Variants in ABHD2 observed in about 807,000 individuals in gnomAD.
ABHD2 encodes monoacylglycerol lipase ABHD2.
ABHD2 carries 20 observed loss-of-function variants against 48.1 expected under a neutral mutation model. The ratio of observed to expected loss-of-function variants is 0.42; its 90% confidence interval spans 0.29 to 0.60. The LOEUF is 0.60. Among genes scored for constraint, ABHD2 ranks in the 20% least tolerant of loss-of-function variants. The probability of loss-of-function intolerance (pLI) is 0.24; values close to 1 mark genes in which losing one functional copy is unlikely to be tolerated. For synonymous variants in ABHD2, 209 were observed against 214.2 expected (o/e 0.98, Z 0.21); for missense variants, 405 against 550.9 (o/e 0.74, Z 2.65).
At chr15:89,143,780 A>G (rs1280358242) in intron 3 of ABHD2, among the ~76,000 whole-genome samples, 1 of 152,180 alleles carries the variant, frequency 6.6e-6, no homozygotes, top group African/African-American at 2.4e-5. Flanking sequence ...GGGATGTTCA[A>G]GATCATTAGT....
the ABHD2 span, among the ~76,000 whole-genome samples, chr15:89,055,522 A>T: frequency 6.6e-6 from 1 of 151,930 alleles, no homozygotes; most frequent in African/African-American, 2.4e-5. Context: ...TTTTGTAGAG[A>T]TGAGATTTCA....
At chr15:89,098,880 CTT>C (rs2049656709) in intron 1 of ABHD2, among the ~76,000 whole-genome samples, 1 of 152,290 alleles carries the variant, frequency 6.6e-6, no homozygotes, top group Non-Finnish European at 1.5e-5. Context: ...ATGCAGATTT[CTT>C]TAAGTCTCTT....
the ABHD2 span, among the ~76,000 whole-genome samples, chr15:89,055,006 A>T: frequency 6.6e-6 from 1 of 152,094 alleles, no homozygotes; most frequent in Non-Finnish European, 1.5e-5. Flanking sequence ...TTGGAGGATC[A>T]CTTGAGGCCC....
the ABHD2 span, chr15:89,070,223 C>T: frequency 6.6e-6 from 1 of 152,196 alleles, no homozygotes; most frequent in African/African-American, 2.4e-5. Context: ...CAAACTCCTC[C>T]TCAGAAGTGA....
rs1244921565 is a variant in ABHD2, at chr15:89,106,282, G to A, written c.-106-7443G>A. 6.5e-6 allele frequency: 1 copy of A among 153,034 alleles called. No individual in the cohort carries two copies. Among genetic ancestry groups the A allele is most frequent in the Non-Finnish European group, 1.5e-5 (1 of 68,750 alleles). The allele number at this position is 153,034 out of a possible 1,614,324, so 9.5% of individuals were successfully genotyped here. A position where few individuals can be genotyped will look rare whatever the true frequency, so the allele number is the denominator to read the frequency against. On this transcript the variant is annotated intron_variant, in intron 1 of 10. Coordinates refer to ENST00000352732, the MANE Select transcript of ABHD2 (RefSeq NM_152924.5). This position sits in a 1 kb window ranked among gnomAD's most constrained non-coding sequence, Gnocchi z 4.2. The stretch of plus-strand genomic sequence containing the variant: ...CATTGCACTGCAGCTTGGGCGACAA[G>A]AGCGAAACTCCATCTCAAAAACAAA...
chr15:89,050,340 A>C, the ABHD2 span, among the ~76,000 whole-genome samples: 8 of 152,200 alleles, frequency 5.3e-5, no homozygotes, highest in Non-Finnish European at 1.2e-4. Context: ...TCTCAGCAGC[A>C]ACCATGTGGA....
At chr15:89,153,534 A>T (rs1596123037) in intron 4 of ABHD2, among the ~76,000 whole-genome samples, 1 of 152,226 alleles carries the variant, frequency 6.6e-6, no homozygotes, top group South Asian at 2.1e-4. Flanking sequence ...TGGAAAGTTG[A>T]AAAGGGCAGA....
chr15:89,141,757 C>T (rs1408914409), intron 3 of ABHD2, among the ~76,000 whole-genome samples: 1 of 152,176 alleles, frequency 6.6e-6, no homozygotes, highest in Non-Finnish European at 1.5e-5. Context: ...CTGTTTAGTG[C>T]CAGCTTCTGG....
At chr15:89,135,588 TTCATCTTCC>T (rs1006334244) in intron 3 of ABHD2, 12 of 1,539,630 alleles carry the variant, frequency 7.8e-6, no homozygotes, top group African/African-American at 6.8e-5. Flanking sequence ...TCTTATCCTC[TTCATCTTCC>T]TCATCTTCCT....
chr15:89,187,596 C>G (rs961761954), intron 7 of ABHD2, among the ~76,000 whole-genome samples: 1 of 152,100 alleles, frequency 6.6e-6, no homozygotes, highest in Non-Finnish European at 1.5e-5. Flanking sequence ...GTCATCCTCT[C>G]CAGATGGATT....
chr15:89,071,797 G>C, the ABHD2 span, among the ~76,000 whole-genome samples: 3 of 152,150 alleles, frequency 2.0e-5, no homozygotes, highest in Admixed American at 2.0e-4. Flanking sequence ...TTGCTATTGG[G>C]TATGTTTATC....
chr15:89,108,056 G>A (rs560946312), intron 1 of ABHD2, among the ~76,000 whole-genome samples: 1 of 152,294 alleles, frequency 6.6e-6, no homozygotes, highest in Admixed American at 6.5e-5. Flanking sequence ...TCAGTTAGCT[G>A]TCATCTGAAT....
At chr15:89,162,987 C>A (rs1054057827) in intron 5 of ABHD2, among the ~76,000 whole-genome samples, 9 of 152,176 alleles carry the variant, frequency 5.9e-5, no homozygotes, top group Non-Finnish European at 1.0e-4. Flanking sequence ...TGATACTTTA[C>A]AAACTAGTAC....
At chr15:89,180,463 C>T (rs2051090739) in intron 6 of ABHD2, among the ~76,000 whole-genome samples, 1 of 152,208 alleles carries the variant, frequency 6.6e-6, no homozygotes, top group Admixed American at 6.5e-5. Flanking sequence ...AAAGCCCAGC[C>T]TGGCAGGTAC....
chr15:89,045,540 T>C, the ABHD2 span, among the ~76,000 whole-genome samples: 53 of 152,268 alleles, frequency 3.5e-4, 2 homozygotes, highest in East Asian at 9.8e-3. Context: ...GAGCATGGAG[T>C]GTTCTTCCAT....
intron 3 of ABHD2, among the ~76,000 whole-genome samples, chr15:89,148,118 C>CAAAAAAA (rs10711138): frequency 2.9e-5 from 2 of 69,556 alleles, no homozygotes; most frequent in Admixed American, 3.7e-4. Flanking sequence ...GACTCCGTCT[C>CAAAAAAA]AAAAAAAAAA....
intron 5 of ABHD2, among the ~76,000 whole-genome samples, chr15:89,170,077 A>ATTT (rs1555432359): frequency 6.6e-4 from 37 of 56,084 alleles, no homozygotes; most frequent in Middle Eastern, 0.015. Context: ...GTCAGATCAG[A>ATTT]TTCTTTTTTT....
intron 3 of ABHD2, among the ~76,000 whole-genome samples, chr15:89,150,858 A>C (rs2050578974): frequency 1.3e-5 from 2 of 152,382 alleles, no homozygotes; most frequent in South Asian, 4.1e-4. Flanking sequence ...AGTGAAACCA[A>C]CAGCGGTTTC....
At chr15:89,042,503 T>C in the ABHD2 span, among the ~76,000 whole-genome samples, 1 of 152,180 alleles carries the variant, frequency 6.6e-6, no homozygotes, top group Non-Finnish European at 1.5e-5. Context: ...ACCTCCTCCA[T>C]GAAGATTTCC....
Sources: allele counts gnomAD v4.1 joint callset (sites outside exome capture counted in the v4.1 genomes callset), GRCh38; gene constraint gnomAD v4.1.1; non-coding constraint Gnocchi (gnomAD v3.1); transcripts MANE v1.5; gene names NCBI Gene and HGNC (gene_info 2026-07-23, HGNC 2026-07-21).